The following PTPRD variants were observed in gnomAD, a reference collection of about 807,000 sequenced individuals.
The protein encoded by PTPRD is protein tyrosine phosphatase receptor type D, also known as receptor-type tyrosine-protein phosphatase delta.
In PTPRD, 34 loss-of-function variants were observed where a neutral mutation model predicts 214.5. That is an observed-to-expected ratio of 0.16 (90% CI 0.12 to 0.21). PTPRD has a LOEUF of 0.21. Among genes scored for constraint, PTPRD ranks in the 10% least tolerant of loss-of-function variants. PTPRD has a pLI of 1.00. For synonymous variants in PTPRD, 1,128 were observed against 845.7 expected, an observed-to-expected ratio of 1.33 and a Z score of -5.79; for missense variants, 2,545 against 2,398.7, an observed-to-expected ratio of 1.06 and a Z score of -1.27.
chr9:10,205,453 T>A (rs1345063382), intron 3 of PTPRD, among the ~76,000 whole-genome samples: 1 of 152,000 alleles, frequency 6.6e-6, no homozygotes, highest in African/African-American at 2.4e-5. Flanking sequence ...TTGCCCAGGC[T>A]GGAGTGCAGT....
chr9:9,287,206 C>A (rs1032936218), intron 9 of PTPRD, among the ~76,000 whole-genome samples: 1 of 151,358 alleles, frequency 6.6e-6, no homozygotes, highest in Non-Finnish European at 1.5e-5. Flanking sequence ...ACCTGGGCAA[C>A]AGAACAAGAC....
At chr9:8,520,961 T>C (rs1218927841) in intron 20 of PTPRD, among the ~76,000 whole-genome samples, 1 of 152,132 alleles carries the variant, frequency 6.6e-6, no homozygotes, top group Non-Finnish European at 1.5e-5. Context: ...ATGTAGACTG[T>C]ACACATCAGT....
chr9:9,616,786 G>A (rs1439397098), intron 7 of PTPRD, among the ~76,000 whole-genome samples: 1 of 152,002 alleles, frequency 6.6e-6, no homozygotes, highest in African/African-American at 2.4e-5. Flanking sequence ...CAGCTCTCAG[G>A]GCTGCTCTGC....
chr9:9,637,234 C>T (rs571382571), intron 7 of PTPRD, among the ~76,000 whole-genome samples: 1 of 152,244 alleles, frequency 6.6e-6, no homozygotes, highest in African/African-American at 2.4e-5. Flanking sequence ...CTGATAGCCC[C>T]CAAAGTCTTA....
intron 14 of PTPRD, among the ~76,000 whole-genome samples, chr9:8,560,887 T>G (rs2085974568): frequency 6.6e-6 from 1 of 151,686 alleles, no homozygotes; most frequent in African/African-American, 2.4e-5. Flanking sequence ...TCAGGACTCT[T>G]TAGCCTAAGT....
Position 9,653,348 on chromosome 9 carries a change from CAAAAAAAAAAAAAAAAAAAAAAAAA to C in PTPRD, c.-286-78592_-286-78568del, listed in dbSNP as rs1175875551. ...TGGGCGACAGAGCGAGACTCCGTCTCAAAAAAAAAAAAAAAAAAAAAAAAAAAAAAAAAAAAAAGTGCCTCATTCT... is the reference window on the plus strand; with the variant it reads ...TGGGCGACAGAGCGAGACTCCGTCTCAAAAAAAAAAAAAGTGCCTCATTCT... On this transcript the variant is annotated intron_variant, in intron 7 of 45. Transcript: ENST00000381196. Among the ~76,000 whole-genome samples the C allele has an allele frequency of 1.8e-4, 6 of 32,492 alleles. No individual in the cohort carries two copies. The South Asian group carries it at 8.9e-3, about 48-fold the overall frequency. 21.3% of individuals were successfully genotyped at this position (32,492 alleles called of 152,430 possible). A position where few individuals can be genotyped will look rare whatever the true frequency, so the allele number is the denominator to read the frequency against.
At chr9:10,316,167 G>GTATATATACATATATA (rs201245919) in intron 3 of PTPRD, among the ~76,000 whole-genome samples, 1 of 117,270 alleles carries the variant, frequency 8.5e-6, no homozygotes, top group African/African-American at 3.5e-5. Flanking sequence ...GTATATCTAT[G>GTATATATACATATATA]TATATATACA....
intron 6 of PTPRD, among the ~76,000 whole-genome samples, chr9:9,743,904 A>G (rs556735893): frequency 4.7e-4 from 72 of 152,230 alleles, no homozygotes; most frequent in African/African-American, 1.7e-3. Flanking sequence ...ATAAATCTAT[A>G]CATTGTAGCC....
intron 6 of PTPRD, among the ~76,000 whole-genome samples, chr9:9,759,383 T>G (rs2098629168): frequency 1.3e-5 from 2 of 152,108 alleles, no homozygotes; most frequent in Admixed American, 6.6e-5. Flanking sequence ...AACCCAGTAA[T>G]TAAAGTGTTA....
At chr9:10,311,238 A>G (rs921205068) in intron 3 of PTPRD, among the ~76,000 whole-genome samples, 14 of 151,982 alleles carry the variant, frequency 9.2e-5, no homozygotes, top group African/African-American at 3.1e-4. Context: ...TTGCTAACCC[A>G]TAGGAGAAAA....
At chr9:10,510,681 T>C (rs906508835) in intron 2 of PTPRD, among the ~76,000 whole-genome samples, 10 of 152,154 alleles carry the variant, frequency 6.6e-5, no homozygotes, top group African/African-American at 2.4e-4. Flanking sequence ...TGTCCATCAT[T>C]TTAAACATTG....
intron 39 of PTPRD, among the ~76,000 whole-genome samples, chr9:8,363,489 G>A (rs963918183): frequency 9.9e-5 from 15 of 152,178 alleles, no homozygotes; most frequent in Middle Eastern, 3.4e-3. Flanking sequence ...AAAAAGATCA[G>A]GTGGCTGTTC....
intron 7 of PTPRD, among the ~76,000 whole-genome samples, chr9:9,597,622 C>G (rs546459888): frequency 6.6e-5 from 10 of 151,920 alleles, no homozygotes; most frequent in African/African-American, 2.4e-4. Context: ...TCAACAGTAT[C>G]ACATATAGTA....
At chr9:8,340,998 C>G in intron 41 of PTPRD, 92 bp downstream of exon 41, 2 of 1,296,340 alleles carry the variant, frequency 1.5e-6, no homozygotes, top group African/African-American at 3.0e-5. Flanking sequence ...AAGAAAATGT[C>G]TTTGAATGGA....
chr9:9,786,451 T>G (rs1277627259), intron 5 of PTPRD, among the ~76,000 whole-genome samples: 1 of 152,032 alleles, frequency 6.6e-6, no homozygotes, highest in Non-Finnish European at 1.5e-5. Flanking sequence ...AGCATAAGAG[T>G]AAAATAAATT....
At chr9:9,960,747 G>T (rs888737238) in intron 4 of PTPRD, among the ~76,000 whole-genome samples, 1 of 151,918 alleles carries the variant, frequency 6.6e-6, no homozygotes, top group African/African-American at 2.4e-5. Context: ...CAACCAAGAG[G>T]ACCCTAAAGA....
chr9:9,776,458 T>G (rs2098799481), intron 5 of PTPRD, among the ~76,000 whole-genome samples: 1 of 152,214 alleles, frequency 6.6e-6, no homozygotes, highest in Non-Finnish European at 1.5e-5. Context: ...CTTTGCTTTT[T>G]GATTTTTCTC....
intron 8 of PTPRD, among the ~76,000 whole-genome samples, chr9:9,538,837 C>G (rs917528765): frequency 1.3e-5 from 2 of 151,752 alleles, no homozygotes; most frequent in Non-Finnish European, 2.9e-5. Flanking sequence ...CAAATTCATA[C>G]TTTTGTTTTG....
At chr9:8,662,284 G>A (rs941334947) in intron 12 of PTPRD, among the ~76,000 whole-genome samples, 19 of 152,062 alleles carry the variant, frequency 1.2e-4, no homozygotes, top group Admixed American at 2.6e-4. Context: ...CTGGGGAAAC[G>A]GGGTCACTGC....
Sources: gnomAD v4.1 joint callset for allele counts (sites outside exome capture counted in the v4.1 genomes callset) on GRCh38, gnomAD v4.1.1 for gene constraint, MANE v1.5 for transcripts, NCBI Gene and HGNC (gene_info 2026-07-23, HGNC 2026-07-21) for gene names.